ADAM10: variants seen among roughly 807,000 people sequenced by gnomAD.
ADAM10 encodes ADAM metallopeptidase domain 10.
A neutral mutation model predicts 90.1 loss-of-function variants in ADAM10; 17 were observed. That is an observed-to-expected ratio of 0.19 (90% CI 0.13 to 0.28). ADAM10 has a LOEUF of 0.28. Among genes scored for constraint, ADAM10 ranks in the 10% least tolerant of loss-of-function variants. The pLI is 1.00. For missense variants in ADAM10, 610 were observed against 914.3 expected (o/e 0.67, Z 4.29); for synonymous variants, 310 against 298.6 (o/e 1.04, Z -0.40).
intron 12 of ADAM10, 108 bp downstream of exon 12, chr15:58,611,700 C>T (rs960277752): frequency 1.9e-5 from 20 of 1,079,670 alleles, no homozygotes; most frequent in Admixed American, 1.3e-4. Context: ...ATTACTTAAA[C>T]AGAGACCAAG....
At chr15:58,655,702 A>ATATACAC (rs1566982280) in intron 5 of ADAM10, among the ~76,000 whole-genome samples, 1 of 53,838 alleles carries the variant, frequency 1.9e-5, no homozygotes, top group Non-Finnish European at 2.9e-5. Context: ...TATAGTATAT[A>ATATACAC]TATATATAGT....
chr15:58,614,518 G>A (rs933655659), intron 11 of ADAM10, among the ~76,000 whole-genome samples: 3 of 152,102 alleles, frequency 2.0e-5, no homozygotes, highest in Admixed American at 1.3e-4. Context: ...GAGAGAATGG[G>A]ATAATATGTT....
chr15:58,639,845 G>A (rs763633947), intron 8 of ADAM10, among the ~76,000 whole-genome samples: 165 of 150,864 alleles, frequency 1.1e-3, no homozygotes, highest in Non-Finnish European at 1.8e-3. Flanking sequence ...AAACTAATAA[G>A]AATAGGAATA....
intron 7 of ADAM10, among the ~76,000 whole-genome samples, chr15:58,641,869 C>A (rs1322482626): frequency 2.0e-5 from 3 of 152,134 alleles, no homozygotes; most frequent in Non-Finnish European, 4.4e-5. Context: ...ATGGTTGATA[C>A]AACAAGAGCT....
intron 11 of ADAM10, among the ~76,000 whole-genome samples, chr15:58,617,762 AAGAAAATAGC>A (rs1486074212): frequency 2.6e-5 from 4 of 152,272 alleles, no homozygotes; most frequent in Admixed American, 2.6e-4. Flanking sequence ...TTCTATATAC[AAGAAAATAGC>A]AGAAAATCAA....
intron 10 of ADAM10, among the ~76,000 whole-genome samples, chr15:58,622,440 A>G (rs1426760255): frequency 6.6e-6 from 1 of 151,994 alleles, no homozygotes; most frequent in Admixed American, 6.6e-5. Flanking sequence ...CGTGTAATAG[A>G]TTTCTCCATT....
intron 11 of ADAM10, among the ~76,000 whole-genome samples, chr15:58,620,188 G>A (rs1029347086): frequency 2.0e-5 from 3 of 152,040 alleles, no homozygotes; most frequent in Non-Finnish European, 2.9e-5. Context: ...TGAACTGGCC[G>A]GGTGCGGTGG....
chr15:58,670,158 C>A (rs569084927), intron 4 of ADAM10, among the ~76,000 whole-genome samples: 1 of 150,528 alleles, frequency 6.6e-6, no homozygotes, highest in Non-Finnish European at 1.5e-5. Flanking sequence ...AGAGATGTGA[C>A]ACTCAAAGGC....
chr15:58,667,520 G>A (rs550301805), intron 4 of ADAM10, among the ~76,000 whole-genome samples: 1 of 152,118 alleles, frequency 6.6e-6, no homozygotes, highest in South Asian at 2.1e-4. Flanking sequence ...AGTCAAAACT[G>A]GATGGTAATC....
At chr15:58,690,610 C>A (rs1897751404) in intron 2 of ADAM10, among the ~76,000 whole-genome samples, 1 of 152,112 alleles carries the variant, frequency 6.6e-6, no homozygotes, top group African/African-American at 2.4e-5. Flanking sequence ...GCCTTAGACA[C>A]AAGGACAGAA....
intron 4 of ADAM10, among the ~76,000 whole-genome samples, chr15:58,675,368 G>C (rs1279190101): frequency 6.6e-6 from 1 of 152,112 alleles, no homozygotes; most frequent in Non-Finnish European, 1.5e-5. Context: ...AAATTACTCA[G>C]ACCTTTAGCT....
At chr15:58,721,483 A>C (rs1567012013) in intron 1 of ADAM10, among the ~76,000 whole-genome samples, 1 of 152,218 alleles carries the variant, frequency 6.6e-6, no homozygotes, top group Admixed American at 6.5e-5. Flanking sequence ...CATAATTTCT[A>C]TTCCCTAATA....
intron 7 of ADAM10, among the ~76,000 whole-genome samples, chr15:58,641,228 G>C (rs1335016744): frequency 6.6e-6 from 1 of 152,170 alleles, no homozygotes; most frequent in Non-Finnish European, 1.5e-5. Context: ...CCAGATTCCT[G>C]AACACTGAAC....
chr15:58,600,012 C>G (rs1299722617), intron 14 of ADAM10, among the ~76,000 whole-genome samples: 2 of 152,096 alleles, frequency 1.3e-5, no homozygotes, highest in Non-Finnish European at 2.9e-5. Context: ...TTGTCATACA[C>G]ATGAACACAA....
intron 10 of ADAM10, among the ~76,000 whole-genome samples, chr15:58,622,518 T>C (rs1195546163): frequency 6.6e-6 from 1 of 152,206 alleles, no homozygotes; most frequent in African/African-American, 2.4e-5. Context: ...ATGTCCCACA[T>C]TCTATTTAGC....
chr15:58,697,793 A>G (rs1019738024), intron 2 of ADAM10, among the ~76,000 whole-genome samples: 1 of 152,204 alleles, frequency 6.6e-6, no homozygotes, highest in African/African-American at 2.4e-5. Context: ...CAGTGCCAGC[A>G]TATGTTGCCC....
intron 2 of ADAM10, among the ~76,000 whole-genome samples, chr15:58,707,083 G>C (rs1487792788): frequency 2.0e-5 from 1 of 49,948 alleles, no homozygotes; most frequent in Non-Finnish European, 4.5e-5. Flanking sequence ...ATAAACTTTG[G>C]GGGGGGGAAA....
chr15:58,633,422 T>C (rs976668962), intron 8 of ADAM10, 63 bp from the exon 9 acceptor site: 6 of 1,338,776 alleles, frequency 4.5e-6, no homozygotes, highest in Admixed American at 1.7e-5. Context: ...AAAAAGGTAA[T>C]ACATGCTATA....
At chr15:58,727,176 C>CTTTTT (rs779017607) in intron 1 of ADAM10, among the ~76,000 whole-genome samples, 1 of 78,008 alleles carries the variant, frequency 1.3e-5, no homozygotes, top group Non-Finnish European at 2.4e-5. Context: ...CCTGACTAAT[C>CTTTTT]TTTTTTTTTT....
Sources: gnomAD v4.1 joint callset for allele counts (sites outside exome capture counted in the v4.1 genomes callset) on GRCh38, gnomAD v4.1.1 for gene constraint, MANE v1.5 for transcripts, NCBI Gene and HGNC (gene_info 2026-07-23, HGNC 2026-07-21) for gene names.